PDZRN4: variants seen among roughly 807,000 people sequenced by gnomAD.
The protein encoded by PDZRN4 is PDZ domain containing ring finger 4, also known as PDZ domain-containing RING finger protein 4.
Under a neutral mutation model 99.0 loss-of-function variants are expected in PDZRN4, and 70 were observed. The ratio of observed to expected loss-of-function variants is 0.71; its 90% CI spans 0.58 to 0.86. The LOEUF (loss-of-function observed/expected upper bound fraction) is 0.86, where lower values mean the gene tolerates loss of function less well. Ranked by LOEUF, PDZRN4 falls within the 40% of genes least tolerant of loss-of-function variation. The probability of loss-of-function intolerance (pLI) is 0.00; values close to 1 mark genes in which losing one functional copy is unlikely to be tolerated. For missense variants in PDZRN4, 1,474 were observed against 1,331.2 expected (o/e 1.11, Z -1.67); for synonymous variants, 551 against 501.6 (o/e 1.10, Z -1.32).
chr12:41,407,410 C>T (rs1952357884), intron 3 of PDZRN4, among the ~76,000 whole-genome samples: 1 of 152,176 alleles, frequency 6.6e-6, no homozygotes, highest in African/African-American at 2.4e-5. Context: ...GTTACCATGG[C>T]AACCCTGGCT....
chr12:41,415,192 C>T (rs946340722), intron 3 of PDZRN4, among the ~76,000 whole-genome samples: 4 of 151,818 alleles, frequency 2.6e-5, no homozygotes, highest in Non-Finnish European at 5.9e-5. Flanking sequence ...ATATATGAGA[C>T]CAGTTTTGTG....
At chr12:41,217,576 A>G (rs1326003584) in intron 3 of PDZRN4, among the ~76,000 whole-genome samples, 2 of 152,100 alleles carry the variant, frequency 1.3e-5, no homozygotes, top group Non-Finnish European at 2.9e-5. Flanking sequence ...TCCCATTAAA[A>G]GTTTATATTT....
At chr12:41,213,641 GAAC>G (rs1950901891) in intron 3 of PDZRN4, among the ~76,000 whole-genome samples, 2 of 151,978 alleles carry the variant, frequency 1.3e-5, no homozygotes, top group South Asian at 4.1e-4. Context: ...CAACAAAACA[GAAC>G]AACAACAAAA....
At chr12:41,521,363 G>A (rs1168844209) in intron 5 of PDZRN4, among the ~76,000 whole-genome samples, 4 of 152,042 alleles carry the variant, frequency 2.6e-5, no homozygotes, top group African/African-American at 7.2e-5. Flanking sequence ...TCTATAAGAA[G>A]CAGTTACCAA....
At chr12:41,451,684 T>G (rs1172952995) in intron 3 of PDZRN4, among the ~76,000 whole-genome samples, 2 of 152,202 alleles carry the variant, frequency 1.3e-5, no homozygotes, top group African/African-American at 4.8e-5. Flanking sequence ...TTAAATGATC[T>G]TCTCTGATGG....
In PDZRN4 at chr12:41,366,411, C is replaced by T. The variant is rs555497785; in HGVS notation, c.844-140045C>T. 9.7e-4 allele frequency among the ~76,000 whole-genome samples: 148 copies of T among 152,180 alleles called. 1 individual carries two copies. Among genetic ancestry groups the T allele is most frequent in the African/African-American group, 3.4e-3 (143 of 41,546 alleles). ...AATCTATTCACTGACATCACATTATCAGCAGTAATATATGACTGCATCTAA... is the reference window on the plus strand; with the variant it reads ...AATCTATTCACTGACATCACATTATTAGCAGTAATATATGACTGCATCTAA... On this transcript the variant is annotated intron_variant, in intron 3 of 9. Coordinates refer to ENST00000402685, the MANE Select transcript of PDZRN4 (RefSeq NM_001164595.2).
chr12:41,397,767 C>T (rs1337424709), intron 3 of PDZRN4, among the ~76,000 whole-genome samples: 1 of 152,082 alleles, frequency 6.6e-6, no homozygotes, highest in African/African-American at 2.4e-5. Flanking sequence ...TATCTATGCC[C>T]TTGAAGAACT....
intron 3 of PDZRN4, among the ~76,000 whole-genome samples, chr12:41,241,519 G>A (rs1289054726): frequency 6.6e-6 from 1 of 152,198 alleles, no homozygotes; most frequent in Non-Finnish European, 1.5e-5. Flanking sequence ...TGGCCCAGTA[G>A]TTATGGGTGT....
chr12:41,323,910 G>A (rs188075646), intron 3 of PDZRN4, among the ~76,000 whole-genome samples: 21 of 151,980 alleles, frequency 1.4e-4, no homozygotes, highest in African/African-American at 4.6e-4. Context: ...CAGAAAACAC[G>A]TTATAAAGAT....
intron 3 of PDZRN4, among the ~76,000 whole-genome samples, chr12:41,382,953 C>A (rs531174689): frequency 3.2e-4 from 49 of 152,184 alleles, no homozygotes; most frequent in African/African-American, 1.2e-3. Context: ...TGATTCATAA[C>A]CTTTTCATAT....
chr12:41,232,510 C>T (rs182970258), intron 3 of PDZRN4, among the ~76,000 whole-genome samples: 195 of 152,180 alleles, frequency 1.3e-3, no homozygotes, highest in African/African-American at 4.5e-3. Flanking sequence ...TTCTCTTATC[C>T]TTACATGTTT....
chr12:41,245,983 T>C (rs1460850759), intron 3 of PDZRN4, among the ~76,000 whole-genome samples: 2 of 152,172 alleles, frequency 1.3e-5, no homozygotes, highest in Admixed American at 1.3e-4. Context: ...TGTGGAGGCA[T>C]ATGGAATTAT....
At chr12:41,514,033 T>C (rs778293110) in intron 5 of PDZRN4, among the ~76,000 whole-genome samples, 34 of 152,158 alleles carry the variant, frequency 2.2e-4, no homozygotes, top group Middle Eastern at 6.8e-3. Flanking sequence ...AAGAAACATA[T>C]ACAAAAGGCT....
At chr12:41,279,369 C>T (rs1951369263) in intron 3 of PDZRN4, among the ~76,000 whole-genome samples, 1 of 152,132 alleles carries the variant, frequency 6.6e-6, no homozygotes, top group South Asian at 2.1e-4. Flanking sequence ...ATGAAGTAGG[C>T]AGGCAGTTTT....
chr12:41,383,526 C>G (rs541536728), intron 3 of PDZRN4, among the ~76,000 whole-genome samples: 7 of 152,310 alleles, frequency 4.6e-5, no homozygotes, highest in Non-Finnish European at 1.0e-4. Flanking sequence ...TTTCAAAGAA[C>G]TTCAGAGCCC....
chr12:41,438,049 A>G, intron 3 of PDZRN4: 1 of 1,608,998 alleles, frequency 6.2e-7, no homozygotes, highest in East Asian at 2.2e-5. Flanking sequence ...ACTAAGAGCC[A>G]GGCTTTGTGT....
chr12:41,380,562 G>A (rs533758599), intron 3 of PDZRN4, among the ~76,000 whole-genome samples: 46 of 151,734 alleles, frequency 3.0e-4, no homozygotes, highest in Non-Finnish European at 5.6e-4. Flanking sequence ...TAGTTATAAC[G>A]TCCTACTTAA....
intron 3 of PDZRN4, among the ~76,000 whole-genome samples, chr12:41,291,891 G>T (rs995685110): frequency 1.3e-5 from 2 of 152,082 alleles, no homozygotes. Flanking sequence ...TACATGAGAT[G>T]CAACCTTACT....
chr12:41,391,445 A>G (rs1952211032), intron 3 of PDZRN4, among the ~76,000 whole-genome samples: 1 of 152,178 alleles, frequency 6.6e-6, no homozygotes, highest in Non-Finnish European at 1.5e-5. Flanking sequence ...AGCTCACCGT[A>G]TAACCAACAC....
Sources: gnomAD v4.1 joint callset for allele counts (sites outside exome capture counted in the v4.1 genomes callset) on GRCh38, gnomAD v4.1.1 for gene constraint, MANE v1.5 for transcripts, NCBI Gene and HGNC (gene_info 2026-07-23, HGNC 2026-07-21) for gene names.